Variants in BRDT observed in about 807,000 individuals in gnomAD.
The protein encoded by BRDT is bromodomain testis-specific protein.
In BRDT, 77 loss-of-function variants were observed where a neutral mutation model predicts 113.9. The observed-to-expected ratio is 0.68, with a 90% CI of 0.56 to 0.82. The LOEUF is 0.82. BRDT is among the 40% of genes least tolerant of loss of function. The pLI is 0.00. For synonymous variants in BRDT, 358 were observed against 366.5 expected (o/e 0.98, Z 0.26); for missense variants, 1,027 against 1,105.4 (o/e 0.93, Z 1.01).
chr1:91,998,669 T>A (rs1426600136), intron 15 of BRDT, among the ~76,000 whole-genome samples: 2 of 152,184 alleles, frequency 1.3e-5, no homozygotes, highest in Non-Finnish European at 2.9e-5. Flanking sequence ...TGAAAGAACC[T>A]AAAGTGAAGT....
At chr1:91,951,025 C>CAAA (rs199913164) in intron 1 of BRDT, among the ~76,000 whole-genome samples, 1 of 67,516 alleles carries the variant, frequency 1.5e-5, no homozygotes, top group African/African-American at 3.8e-5. Flanking sequence ...GACTCCGTCT[C>CAAA]AAAAAAAAAA....
chr1:92,007,432 T>G (rs1687418666), intron 18 of BRDT, among the ~76,000 whole-genome samples: 1 of 152,164 alleles, frequency 6.6e-6, no homozygotes, highest in Non-Finnish European at 1.5e-5. Context: ...TGTTTCCTTC[T>G]TTGTGTTCCT....
intron 3 of BRDT, 146 bp from the exon 4 acceptor site, chr1:91,968,000 C>T: frequency 1.4e-6 from 1 of 698,676 alleles, no homozygotes; most frequent in South Asian, 3.7e-5. Flanking sequence ...AAAATGTGAG[C>T]AGCTTCACTA....
intron 18 of BRDT, among the ~76,000 whole-genome samples, chr1:92,010,557 G>A (rs1687708941): frequency 6.6e-6 from 1 of 151,896 alleles, no homozygotes; most frequent in South Asian, 2.1e-4. Flanking sequence ...AAAGTGTTAG[G>A]ATTACAGGCA....
chr1:91,966,067 G>C (rs1182131650), intron 3 of BRDT, among the ~76,000 whole-genome samples: 1 of 151,956 alleles, frequency 6.6e-6, no homozygotes, highest in Non-Finnish European at 1.5e-5. Flanking sequence ...GTCTCGCTCT[G>C]TTGCCCAGGC....
At chr1:91,958,234 T>TTA (rs60172844) in intron 1 of BRDT, among the ~76,000 whole-genome samples, 5 of 147,316 alleles carry the variant, frequency 3.4e-5, no homozygotes, top group South Asian at 2.2e-4. Context: ...TTTTTTTTTT[T>TTA]AAAAGGAGTC....
chr1:91,991,903 G>A (rs1011544784), intron 13 of BRDT, among the ~76,000 whole-genome samples: 7 of 150,364 alleles, frequency 4.7e-5, no homozygotes, highest in East Asian at 2.0e-4. Flanking sequence ...GAGGCAGGAG[G>A]ATGGCGTGAA....
At chr1:92,010,869 G>A (rs1168191335) in intron 18 of BRDT, among the ~76,000 whole-genome samples, 1 of 151,958 alleles carries the variant, frequency 6.6e-6, no homozygotes, top group Non-Finnish European at 1.5e-5. Flanking sequence ...TCAATTGATT[G>A]GTTAGTCTCT....
intron 4 of BRDT, among the ~76,000 whole-genome samples, chr1:91,974,146 A>G (rs1683891450): frequency 6.6e-6 from 1 of 152,238 alleles, no homozygotes; most frequent in Admixed American, 6.5e-5. Flanking sequence ...AAGATGGATT[A>G]AAGACTTAAA....
intron 18 of BRDT, among the ~76,000 whole-genome samples, chr1:92,012,298 GA>G (rs377056596): frequency 0.011 from 1,196 of 104,288 alleles, 1 homozygote; most frequent in African/African-American, 0.015. Flanking sequence ...ACTCCATCTA[GA>G]AAAAAAAAAA....
Position 92,004,436 on chromosome 1 carries a change from A to G in BRDT, c.2411A>G (p.Asp804Gly), listed in dbSNP as rs751407788. 1 of 1,608,366 alleles carries G rather than the reference A, an allele frequency of 6.2e-7. No homozygotes were observed. The highest frequency in any genetic ancestry group is 1.1e-5 in the South Asian group (1 of 89,570). The change falls in exon 17 of 19, where the codon GAT (aspartate) becomes GGT (glycine). Residue 804 changes from aspartate to glycine, a missense_variant. Coordinates refer to ENST00000399546, the MANE Select transcript of BRDT (RefSeq NM_207189.4). Reference sequence around the variant, plus strand: ...TAGGATATAAAGATTAAGAATGCAGATTCATGGAAAAGTTTAGGCAAACCA... The same window carrying G: ...TAGGATATAAAGATTAAGAATGCAGGTTCATGGAAAAGTTTAGGCAAACCA... ...VQKDIKIKNA[D>G]SWKSLGKPVK...
chr1:91,977,126 A>T lies in BRDT; in HGVS notation c.702A>T (p.Thr234=), dbSNP rs1200207343. Residue 234 remains threonine, a synonymous_variant, in exon 6 of 19, where the codon ACA becomes ACT. Coordinates refer to ENST00000399546, the MANE Select transcript of BRDT (RefSeq NM_207189.4). ...AVKASSEFSP[T]FTEKSVALPP... Reference sequence around the variant, plus strand: ...AAGCAAGTAGTGAATTTTCTCCAACATTCACAGAAAAATCAGTGGCACTGC... The same window carrying T: ...AAGCAAGTAGTGAATTTTCTCCAACTTTCACAGAAAAATCAGTGGCACTGC... The T allele has an allele frequency of 6.2e-7, 1 of 1,613,754 alleles. No individual in the cohort carries two copies. Among genetic ancestry groups the T allele is most frequent in the Non-Finnish European group, 8.5e-7 (1 of 1,179,968 alleles).
rs111227575 is a variant in BRDT at position 91,991,857 on chromosome 1, C to T, written c.2065-407C>T. Among the ~76,000 whole-genome samples the T allele has an allele frequency of 5.4e-3, 702 of 129,598 alleles. 6 individuals are homozygous for T. The highest frequency in any genetic ancestry group is 0.018 in the African/African-American group (664 of 37,092). 85.0% of individuals were successfully genotyped at this position (129,598 alleles called of 152,430 possible). A position where few individuals can be genotyped will look rare whatever the true frequency, so the allele number is the denominator to read the frequency against. On this transcript the variant is annotated intron_variant, in intron 13 of 18. Coordinates refer to ENST00000399546, the MANE Select transcript of BRDT (RefSeq NM_207189.4). ...AATACAAAAAATTAGCCGGGCATGG[C>T]GCCATGCGCCTGTAATCCCAGCTAC... is the stretch of plus-strand genomic sequence containing the variant.
chr1:91,988,264 G>T (rs1348298321), intron 12 of BRDT, among the ~76,000 whole-genome samples: 1 of 152,112 alleles, frequency 6.6e-6, no homozygotes, highest in East Asian at 1.9e-4. Context: ...GCCACAGTAT[G>T]CATTTGTTTA....
At chr1:92,006,226 G>C (rs943230242) in intron 18 of BRDT, among the ~76,000 whole-genome samples, 4 of 152,124 alleles carry the variant, frequency 2.6e-5, no homozygotes, top group African/African-American at 9.7e-5. Context: ...TGTTAATCAG[G>C]CCAAGTTGGT....
chr1:91,969,097 C>G (rs924529302), intron 4 of BRDT, among the ~76,000 whole-genome samples: 2 of 151,916 alleles, frequency 1.3e-5, no homozygotes, highest in Non-Finnish European at 2.9e-5. Context: ...CCACCACGCC[C>G]TGCTAATTTT....
chr1:91,994,487 A>G (rs1179539795), intron 15 of BRDT, among the ~76,000 whole-genome samples: 1 of 151,316 alleles, frequency 6.6e-6, no homozygotes, highest in Non-Finnish European at 1.5e-5. Flanking sequence ...TATAGTTCAC[A>G]CCCAATTTAC....
Position 92,002,211 on chromosome 1 carries a change from G to T in BRDT, c.2388+62G>T, listed in dbSNP as rs1406789851. 25 of 1,134,890 alleles carry T rather than the reference G, an allele frequency of 2.2e-5. 1 individual carries two copies. Among genetic ancestry groups the T allele is most frequent in the Middle Eastern group, 2.0e-4 (1 of 5,062 alleles). 70.3% of individuals were successfully genotyped at this position (1,134,890 alleles called of 1,614,324 possible). Reference sequence around the variant, plus strand: ...GGATTTGAAATTGGGTTTGGAAGTGGTACAAGAGGTATTTAAAAGCCCTGA... The same window carrying T: ...GGATTTGAAATTGGGTTTGGAAGTGTTACAAGAGGTATTTAAAAGCCCTGA... On this transcript the variant is annotated intron_variant, in intron 16 of 18. Coordinates refer to ENST00000399546, the MANE Select transcript of BRDT (RefSeq NM_207189.4).
chr1:91,953,821 A>G (rs1681405991), intron 1 of BRDT, among the ~76,000 whole-genome samples: 1 of 152,140 alleles, frequency 6.6e-6, no homozygotes, highest in Admixed American at 6.6e-5. Context: ...AGTGAACTGA[A>G]CTTTTCATTA....
Sources: allele counts gnomAD v4.1 joint callset (sites outside exome capture counted in the v4.1 genomes callset), GRCh38; gene constraint gnomAD v4.1.1; transcripts MANE v1.5; gene names NCBI Gene and HGNC (gene_info 2026-07-23, HGNC 2026-07-21).